The following DGKI variants were observed in gnomAD, a reference collection of about 807,000 sequenced individuals.
DGKI encodes diacylglycerol kinase iota.
Under a neutral mutation model 147.5 loss-of-function variants are expected in DGKI, and 55 were observed. That is an observed-to-expected ratio of 0.37 (90% CI 0.30 to 0.47). The LOEUF is 0.47. DGKI is among the 20% of genes least tolerant of loss of function. The pLI is 1.00. For synonymous variants in DGKI, 469 were observed against 477.1 expected (o/e 0.98, Z 0.22); for missense variants, 1,007 against 1,323.8 (o/e 0.76, Z 3.71).
intron 28 of DGKI, among the ~76,000 whole-genome samples, chr7:137,426,024 A>G (rs1812787832): frequency 1.3e-5 from 2 of 152,312 alleles, no homozygotes; most frequent in Admixed American, 6.5e-5. Flanking sequence ...GCAGGCCAAC[A>G]TTCAGACTCA....
Position 137,619,895 on chromosome 7 carries a change from G to C in DGKI, c.922C>G (p.Pro308Ala), listed in dbSNP as rs1364410943. 1.2e-6 allele frequency: 2 copies of C among 1,614,006 alleles called. No individual in the cohort carries two copies. The highest frequency in any genetic ancestry group is 1.7e-6 in the Non-Finnish European group (2 of 1,179,972). ...GCAGCATGAGCCCCCAGGGAGCAGGGTTCTTCAATGTGATGCAGCATGAAG... is the reference window on the plus strand; with the variant it reads ...GCAGCATGAGCCCCCAGGGAGCAGGCTTCTTCAATGTGATGCAGCATGAAG... ...TCFMLHHIEE[P>A]CSLGAHAAVI... is the part of the protein sequence containing the mutation. The change falls in exon 8 of 33, where the codon CCC (proline) becomes GCC (alanine). Residue 308 changes from proline to alanine, a missense_variant. This residue lies in a region of DGKI where 259 missense variants were observed against 362.5 expected (regional missense o/e 0.71). Coordinates refer to ENST00000614521, the MANE Select transcript of DGKI (RefSeq NM_001321708.2).
intron 28 of DGKI, among the ~76,000 whole-genome samples, chr7:137,418,677 A>G (rs1559543): frequency 0.35 from 52,692 of 152,102 alleles, 9,943 homozygotes; most frequent in East Asian, 0.65. Flanking sequence ...ATATCCTATT[A>G]CCACATTGTT....
chr7:137,436,550 T>A (rs956908349), intron 28 of DGKI, among the ~76,000 whole-genome samples: 1 of 152,116 alleles, frequency 6.6e-6, no homozygotes, highest in African/African-American at 2.4e-5. Flanking sequence ...TGTTTTCTCA[T>A]CTGTAAAATG....
intron 1 of DGKI, among the ~76,000 whole-genome samples, chr7:137,813,866 G>A (rs1026826295): frequency 6.6e-6 from 1 of 152,070 alleles, no homozygotes; most frequent in African/African-American, 2.4e-5. Flanking sequence ...ATCTAATAAC[G>A]CTAATAGTTA....
At chr7:137,491,925 C>T (rs1815777489) in intron 21 of DGKI, among the ~76,000 whole-genome samples, 1 of 152,166 alleles carries the variant, frequency 6.6e-6, no homozygotes, top group East Asian at 1.9e-4. Flanking sequence ...TTCTAAGAAT[C>T]CAAAGCACAG....
chr7:137,581,762 C>T (rs939763063), intron 15 of DGKI, 88 bp downstream of exon 15: 15 of 1,120,896 alleles, frequency 1.3e-5, no homozygotes, highest in South Asian at 1.2e-4. Context: ...ACTGTAAACG[C>T]GTAAGTGATA....
chr7:137,636,031 A>G (rs1044853772), intron 6 of DGKI, among the ~76,000 whole-genome samples: 1 of 152,380 alleles, frequency 6.6e-6, no homozygotes, highest in Admixed American at 6.5e-5. Context: ...AGGAGCCAGC[A>G]TCCTGACAGG....
chr7:137,411,421 C>T (rs1445087676), intron 29 of DGKI, among the ~76,000 whole-genome samples: 1 of 152,168 alleles, frequency 6.6e-6, no homozygotes, highest in Admixed American at 6.5e-5. Context: ...CATTTTAGAG[C>T]CCCTTCCATG....
Position 137,381,380 on chromosome 7 carries a change from C to G in DGKI, c.*9840G>C, listed in dbSNP as rs932976414. ...AACTTTAATCTTTCTACTGCCACAG[C>G]TGCTACTTGTTTATGGATTCCACCT... On this transcript the variant is annotated 3_prime_UTR_variant, in exon 33 of 33. Coordinates refer to ENST00000614521, the MANE Select transcript of DGKI (RefSeq NM_001321708.2). The G allele has an allele frequency of 7.0e-6, 1 of 143,632 alleles. No individual in the cohort carries two copies. Among genetic ancestry groups the G allele is most frequent in the Non-Finnish European group, 1.5e-5 (1 of 66,660 alleles). 8.9% of individuals were successfully genotyped at this position (143,632 alleles called of 1,614,324 possible). A position where few individuals can be genotyped will look rare whatever the true frequency, so the allele number is the denominator to read the frequency against.
intron 20 of DGKI, among the ~76,000 whole-genome samples, chr7:137,536,618 A>T (rs1817529817): frequency 2.6e-5 from 4 of 152,216 alleles, no homozygotes; most frequent in Non-Finnish European, 5.9e-5. Context: ...GCTGATAGGA[A>T]TTCGAAGGAC....
chr7:137,395,320 T>C (rs1811509325), intron 32 of DGKI, among the ~76,000 whole-genome samples: 1 of 152,220 alleles, frequency 6.6e-6, no homozygotes, highest in South Asian at 2.1e-4. Context: ...CTCCCATGAC[T>C]TGGCTGCTAG....
At chr7:137,471,551 CAGGGCCCATCCCAGGTCTACAGA>C (rs1051736295) in intron 23 of DGKI, among the ~76,000 whole-genome samples, 24 of 152,190 alleles carry the variant, frequency 1.6e-4, no homozygotes, top group Non-Finnish European at 3.2e-4. Flanking sequence ...CACAAATTTC[CAGGGCCCATCCCAGGTCTACAGA>C]AGCACTATGG....
At position 137,846,161 on chromosome 7, in the gene DGKI, T is replaced by TCACACACA. The variant is rs58484819; in HGVS notation, c.401+293_401+300dup. Among the ~76,000 whole-genome samples, 34 of 108,220 alleles carry TCACACACA rather than the reference T, an allele frequency of 3.1e-4. 1 individual carries two copies. Among genetic ancestry groups the TCACACACA allele is most frequent in the East Asian group, 2.5e-3 (9 of 3,570 alleles). The allele number at this position is 108,220 out of a possible 152,430, so 71.0% of individuals were successfully genotyped here. A position where few individuals can be genotyped will look rare whatever the true frequency, so the allele number is the denominator to read the frequency against. ...CTCTCTCTCTCTCTCTCTCTCTCTC[T>TCACACACA]CACACACACACACACACACACACAC... On this transcript the variant is annotated intron_variant, in intron 1 of 32. Coordinates refer to ENST00000614521, the MANE Select transcript of DGKI (RefSeq NM_001321708.2). This position sits in a 1 kb window ranked among gnomAD's most constrained non-coding sequence, Gnocchi z 4.0.
chr7:137,837,720 C>A lies in DGKI; in HGVS notation c.401+8742G>T, dbSNP rs968638240. Among the ~76,000 whole-genome samples, 8 of 152,162 alleles carry A rather than the reference C, an allele frequency of 5.3e-5. No homozygotes were observed. In the South Asian group the frequency reaches 1.7e-3, roughly 32 times the overall value. On this transcript the variant is annotated intron_variant, in intron 1 of 32. Transcript: ENST00000614521. ...TCCCCAGAACCTGACCATGTTGGTG[C>A]CCTGATCTCAGACTTCCAACCTCCA...
At chr7:137,580,409 G>C (rs1819147250) in intron 15 of DGKI, among the ~76,000 whole-genome samples, 1 of 152,112 alleles carries the variant, frequency 6.6e-6, no homozygotes, top group Non-Finnish European at 1.5e-5. Context: ...TCCAAGAACT[G>C]TCTAAGGCAG....
At chr7:137,735,329 C>A (rs983360249) in intron 1 of DGKI, among the ~76,000 whole-genome samples, 6 of 152,088 alleles carry the variant, frequency 3.9e-5, no homozygotes, top group Admixed American at 6.6e-5. Flanking sequence ...TCATTGCTTC[C>A]TTCTTTTGTT....
intron 1 of DGKI, among the ~76,000 whole-genome samples, chr7:137,842,236 G>A (rs1185452910): frequency 6.6e-6 from 1 of 152,174 alleles, no homozygotes; most frequent in East Asian, 1.9e-4. Flanking sequence ...ACAATGCAAG[G>A]AAGACCAATA....
At chr7:137,578,376 G>A (rs370091318) in intron 15 of DGKI, 51 bp from the exon 16 acceptor site, 16 of 1,368,002 alleles carry the variant, frequency 1.2e-5, no homozygotes, top group Non-Finnish European at 1.6e-5. Context: ...TAAAGGTAGC[G>A]ACTTAGATTA....
intron 28 of DGKI, among the ~76,000 whole-genome samples, chr7:137,418,243 G>C (rs1200910015): frequency 6.6e-6 from 1 of 152,146 alleles, no homozygotes; most frequent in Non-Finnish European, 1.5e-5. Context: ...CCAAGCTCCA[G>C]TTCTATCAGT....
Sources: gnomAD v4.1 joint callset for allele counts (sites outside exome capture counted in the v4.1 genomes callset) on GRCh38, gnomAD v4.1.1 for gene constraint, gnomAD v4.1.1 regional missense constraint, Gnocchi (gnomAD v3.1) non-coding constraint, MANE v1.5 for transcripts, NCBI Gene and HGNC (gene_info 2026-07-23, HGNC 2026-07-21) for gene names.